Variants in ITFG1 observed in about 807,000 individuals in gnomAD.
ITFG1 encodes integrin alpha FG-GAP repeat containing 1, also known as T-cell immunomodulatory protein.
A neutral mutation model predicts 81.8 loss-of-function variants in ITFG1; 34 were observed. The observed-to-expected ratio is 0.42, with a 90% CI of 0.32 to 0.55. The LOEUF is 0.55. Ranked by LOEUF, ITFG1 falls within the 20% of genes least tolerant of loss-of-function variation. The probability of loss-of-function intolerance (pLI) is 0.17; values close to 1 mark genes in which losing one functional copy is unlikely to be tolerated. For synonymous variants in ITFG1, 285 were observed against 270.6 expected, an observed-to-expected ratio of 1.05 and a Z score of -0.52; for missense variants, 672 against 755.4, an observed-to-expected ratio of 0.89 and a Z score of 1.29.
chr16:47,200,664 T>A (rs1965414112), intron 14 of ITFG1, among the ~76,000 whole-genome samples: 1 of 152,192 alleles, frequency 6.6e-6, no homozygotes, highest in Admixed American at 6.5e-5. Context: ...ACTTTGTGTA[T>A]AATTATAGTT....
At chr16:47,397,099 G>C (rs1324062362) in intron 6 of ITFG1, among the ~76,000 whole-genome samples, 1 of 152,192 alleles carries the variant, frequency 6.6e-6, no homozygotes, top group Non-Finnish European at 1.5e-5. Context: ...AGATATTTCG[G>C]GGAGAAATAA....
chr16:47,253,484 G>A (rs1966102170), intron 12 of ITFG1, among the ~76,000 whole-genome samples: 1 of 152,124 alleles, frequency 6.6e-6, no homozygotes, highest in South Asian at 2.1e-4. Flanking sequence ...GCAGGACCAT[G>A]ATGTGTTCTG....
At chr16:47,226,425 G>C (rs113509867) in intron 13 of ITFG1, among the ~76,000 whole-genome samples, 1 of 152,164 alleles carries the variant, frequency 6.6e-6, no homozygotes, top group African/African-American at 2.4e-5. Context: ...ACAACGTGCA[G>C]GTTTGTTACA....
chr16:47,344,290 A>C (rs1367114228), intron 8 of ITFG1, among the ~76,000 whole-genome samples: 1 of 152,224 alleles, frequency 6.6e-6, no homozygotes, highest in African/African-American at 2.4e-5. Flanking sequence ...TATTTTAACC[A>C]AATTTTTAAA....
intron 14 of ITFG1, among the ~76,000 whole-genome samples, chr16:47,196,974 T>G (rs1345456093): frequency 6.6e-6 from 1 of 151,926 alleles, no homozygotes; most frequent in Non-Finnish European, 1.5e-5. Context: ...AATTTAGAGA[T>G]CCTAAGGCTG....
chr16:47,263,120 C>T (rs561179019), intron 10 of ITFG1: 9 of 247,898 alleles, frequency 3.6e-5, no homozygotes, highest in Non-Finnish European at 7.7e-5. Context: ...TGCCTCCAAG[C>T]TGCCTGACAA....
At chr16:47,180,618 T>C (rs571488628) in intron 14 of ITFG1, among the ~76,000 whole-genome samples, 1 of 152,054 alleles carries the variant, frequency 6.6e-6, no homozygotes, top group African/African-American at 2.4e-5. Flanking sequence ...CTCCTAACCG[T>C]GAGTGATCCG....
intron 6 of ITFG1, among the ~76,000 whole-genome samples, chr16:47,408,149 A>G (rs1264569030): frequency 6.6e-6 from 1 of 152,202 alleles, no homozygotes; most frequent in East Asian, 1.9e-4. Flanking sequence ...ATGCTTTAGT[A>G]TTATTTGAGT....
At chr16:47,354,441 C>G (rs1968011028) in intron 8 of ITFG1, among the ~76,000 whole-genome samples, 1 of 151,970 alleles carries the variant, frequency 6.6e-6, no homozygotes, top group African/African-American at 2.4e-5. Context: ...ACTTAGAACT[C>G]TGAAACTACT....
chr16:47,303,810 T>C (rs530413672), intron 10 of ITFG1, among the ~76,000 whole-genome samples: 1 of 152,044 alleles, frequency 6.6e-6, no homozygotes, highest in Non-Finnish European at 1.5e-5. Context: ...TTTTATTTTT[T>C]GTAGAGATGG....
At chr16:47,414,742 G>GA (rs2151604324) in intron 6 of ITFG1, among the ~76,000 whole-genome samples, 1 of 152,230 alleles carries the variant, frequency 6.6e-6, no homozygotes, top group South Asian at 2.1e-4. Context: ...AGAAAATGAA[G>GA]ATAGTAGTTG....
chr16:47,369,421 A>C (rs1489120727), intron 7 of ITFG1, among the ~76,000 whole-genome samples: 1 of 152,174 alleles, frequency 6.6e-6, no homozygotes, highest in East Asian at 1.9e-4. Context: ...GGTTCTGGAG[A>C]GGTCAAATGG....
In ITFG1 at chr16:47,372,245, A is replaced by T. The variant is rs537084211; in HGVS notation, c.720+3631T>A. 1.5e-4 allele frequency among the ~76,000 whole-genome samples: 23 copies of T among 151,742 alleles called. No homozygotes were observed. The East Asian group carries it at 1.6e-3, about 10-fold the overall frequency. On this transcript the variant is annotated intron_variant, in intron 7 of 17. Coordinates refer to ENST00000320640, the MANE Select transcript of ITFG1 (RefSeq NM_030790.5). ...ACATGTCTCTGTTTTTTGCTTTTTT[A>T]AAAAAATTTTTAATATAGAGATGAG...
At chr16:47,241,748 A>C (rs1045046909) in intron 12 of ITFG1, among the ~76,000 whole-genome samples, 2 of 151,946 alleles carry the variant, frequency 1.3e-5, no homozygotes, top group Non-Finnish European at 2.9e-5. Flanking sequence ...GAGGTCAGGA[A>C]ATCGAGACCA....
intron 14 of ITFG1, among the ~76,000 whole-genome samples, chr16:47,186,026 C>T (rs1347370014): frequency 6.6e-6 from 1 of 152,164 alleles, no homozygotes; most frequent in East Asian, 1.9e-4. Flanking sequence ...TGGATAAATT[C>T]CTCGACACAT....
At chr16:47,241,908 C>T (rs538025030) in intron 12 of ITFG1, among the ~76,000 whole-genome samples, 6 of 150,236 alleles carry the variant, frequency 4.0e-5, no homozygotes, top group African/African-American at 9.8e-5. Context: ...GAGCTGAGAT[C>T]GCGCCACTGC....
intron 5 of ITFG1, among the ~76,000 whole-genome samples, chr16:47,430,495 T>C (rs1387686346): frequency 1.3e-5 from 2 of 152,200 alleles, no homozygotes; most frequent in East Asian, 1.9e-4. Context: ...CCATGAAAAT[T>C]TGCCTGTTTT....
At chr16:47,254,796 G>C (rs1257772273) in intron 12 of ITFG1, among the ~76,000 whole-genome samples, 1 of 152,092 alleles carries the variant, frequency 6.6e-6, no homozygotes, top group Non-Finnish European at 1.5e-5. Flanking sequence ...GTATGCACAG[G>C]CACATACCAC....
chr16:47,424,197 C>T (rs1968989139), intron 6 of ITFG1, among the ~76,000 whole-genome samples: 1 of 152,196 alleles, frequency 6.6e-6, no homozygotes, highest in Non-Finnish European at 1.5e-5. Flanking sequence ...ATCACTGATA[C>T]TCTTTGTTCC....
Sources: gnomAD v4.1 joint callset for allele counts (sites outside exome capture counted in the v4.1 genomes callset) on GRCh38, gnomAD v4.1.1 for gene constraint, MANE v1.5 for transcripts, NCBI Gene and HGNC (gene_info 2026-07-23, HGNC 2026-07-21) for gene names.